FOXP1: variants seen among roughly 807,000 people sequenced by gnomAD.
FOXP1 encodes forkhead box protein P1.
Under a neutral mutation model 98.2 loss-of-function variants are expected in FOXP1, and 15 were observed. The observed-to-expected ratio is 0.15, with a 90% CI of 0.10 to 0.24. The LOEUF (loss-of-function observed/expected upper bound fraction) is 0.24, where lower values mean the gene tolerates loss of function less well. Ranked by LOEUF, FOXP1 falls within the 10% of genes least tolerant of loss-of-function variation. The probability of loss-of-function intolerance (pLI) is 1.00; values close to 1 mark genes in which losing one functional copy is unlikely to be tolerated. For synonymous variants in FOXP1, 371 were observed against 314.5 expected, an observed-to-expected ratio of 1.18 and a Z score of -1.90; for missense variants, 633 against 848.5, an observed-to-expected ratio of 0.75 and a Z score of 3.15.
chr3:71,270,604 C>T (rs142442192), intron 5 of FOXP1, among the ~76,000 whole-genome samples: 1,963 of 152,272 alleles, frequency 0.013, 24 homozygotes, highest in Middle Eastern at 0.02. Context: ...ATGAAAATTT[C>T]GTCTTAACAA....
intron 7 of FOXP1, among the ~76,000 whole-genome samples, chr3:71,108,512 T>C (rs2057632614): frequency 1.3e-5 from 2 of 152,206 alleles, no homozygotes; most frequent in Non-Finnish European, 2.9e-5. Flanking sequence ...ATGCCTGTAA[T>C]CCTAACACTT....
At chr3:71,439,488 A>G (rs2085701274) in intron 3 of FOXP1, among the ~76,000 whole-genome samples, 1 of 152,236 alleles carries the variant, frequency 6.6e-6, no homozygotes, top group Admixed American at 6.5e-5. Context: ...TACTGGGAAT[A>G]TTCCCTAGAG....
chr3:71,168,928 C>T (rs1012997214), intron 6 of FOXP1, among the ~76,000 whole-genome samples: 1 of 152,276 alleles, frequency 6.6e-6, no homozygotes, highest in South Asian at 2.1e-4. Flanking sequence ...GATTTAATTA[C>T]TTCTCCTTTC....
intron 7 of FOXP1, among the ~76,000 whole-genome samples, chr3:71,101,721 T>G (rs1442540702): frequency 7.5e-6 from 1 of 133,972 alleles, no homozygotes; most frequent in African/African-American, 2.8e-5. Flanking sequence ...GCAGGCACAA[T>G]ATTCTGAGTC....
intron 6 of FOXP1, among the ~76,000 whole-genome samples, chr3:71,194,102 A>G (rs1258023352): frequency 6.6e-6 from 1 of 152,172 alleles, no homozygotes; most frequent in African/African-American, 2.4e-5. Context: ...TCTAAATAAT[A>G]CATGTTCAAA....
intron 3 of FOXP1, among the ~76,000 whole-genome samples, chr3:71,450,357 G>A (rs552030126): frequency 1.3e-5 from 2 of 152,256 alleles, no homozygotes; most frequent in East Asian, 1.9e-4. Flanking sequence ...AATGAACTTC[G>A]CCCTCCCCAG....
chr3:71,425,486 G>A (rs2084075616), intron 3 of FOXP1, among the ~76,000 whole-genome samples: 2 of 152,174 alleles, frequency 1.3e-5, no homozygotes, highest in Admixed American at 6.5e-5. Flanking sequence ...CCACTGCAGT[G>A]TGGAGGGTGG....
At chr3:71,547,559 C>T (rs2045460261) in intron 2 of FOXP1, among the ~76,000 whole-genome samples, 1 of 152,174 alleles carries the variant, frequency 6.6e-6, no homozygotes, top group Non-Finnish European at 1.5e-5. Context: ...CCACTCAGAG[C>T]CACACTTAAG....
intron 2 of FOXP1, among the ~76,000 whole-genome samples, chr3:71,569,379 T>C (rs960645670): frequency 2.6e-5 from 4 of 152,202 alleles, no homozygotes; most frequent in Non-Finnish European, 4.4e-5. Flanking sequence ...TACGGCCTTA[T>C]TCCCATCTCA....
chr3:71,177,762 A>G (rs1470830702), intron 6 of FOXP1, among the ~76,000 whole-genome samples: 1 of 151,562 alleles, frequency 6.6e-6, no homozygotes, highest in Non-Finnish European at 1.5e-5. Flanking sequence ...CTTTCCATAA[A>G]TTTTCCATTG....
chr3:70,963,723 A>G (rs954238963), intron 20 of FOXP1, among the ~76,000 whole-genome samples: 23 of 152,228 alleles, frequency 1.5e-4, no homozygotes, highest in South Asian at 6.2e-4. Flanking sequence ...GGGTGTCTGC[A>G]CAGCATGGAG....
rs1421518358 is a variant in FOXP1 at position 71,173,037 on chromosome 3, G to A, written c.180+25165C>T. ...GGTAAGTTACAGCAGCAACACTCAG[G>A]CTGGCTGAAACCTCTATCAACATTC... is the stretch of plus-strand genomic sequence containing the variant. On this transcript the variant is annotated intron_variant, in intron 6 of 20. Transcript: ENST00000649528. 2.6e-5 allele frequency among the ~76,000 whole-genome samples: 4 copies of A among 152,170 alleles called. No homozygotes were observed. In the South Asian group the frequency reaches 8.3e-4, roughly 32 times the overall value.
At chr3:71,405,162 G>C (rs917185130) in intron 3 of FOXP1, among the ~76,000 whole-genome samples, 2 of 152,180 alleles carry the variant, frequency 1.3e-5, no homozygotes, top group Non-Finnish European at 2.9e-5. Flanking sequence ...CTCACAGTGA[G>C]CCTTGGGTTC....
intron 5 of FOXP1, among the ~76,000 whole-genome samples, chr3:71,277,911 G>C (rs1190066363): frequency 6.6e-6 from 1 of 152,070 alleles, no homozygotes; most frequent in Non-Finnish European, 1.5e-5. Context: ...GCCCAGTTTT[G>C]TCTTCATTGG....
intron 4 of FOXP1, among the ~76,000 whole-genome samples, chr3:71,315,347 A>C (rs971753380): frequency 5.3e-5 from 8 of 152,114 alleles, no homozygotes; most frequent in Admixed American, 3.3e-4. Flanking sequence ...CCTGATTCAA[A>C]ATGGGAAGCG....
chr3:71,356,213 CAAAA>C (rs3064928), intron 4 of FOXP1, among the ~76,000 whole-genome samples: 4 of 75,358 alleles, frequency 5.3e-5, no homozygotes, highest in Non-Finnish European at 5.6e-5. Flanking sequence ...CTGACTAAGT[CAAAA>C]AAAAAAAAAA....
intron 2 of FOXP1, among the ~76,000 whole-genome samples, chr3:71,538,718 G>C (rs1038986680): frequency 1.3e-5 from 2 of 152,144 alleles, no homozygotes; most frequent in Admixed American, 6.5e-5. Flanking sequence ...TTTGTTCTTT[G>C]TTGCGTGTGG....
At chr3:71,053,850 C>A in intron 7 of FOXP1, 77 bp from the exon 8 acceptor site, 2 of 1,537,998 alleles carry the variant, frequency 1.3e-6, no homozygotes, top group Admixed American at 3.4e-5. Context: ...CAGCTGACTG[C>A]CATCAGCCTG....
chr3:71,150,724 C>G (rs528973694), intron 6 of FOXP1, among the ~76,000 whole-genome samples: 2 of 152,224 alleles, frequency 1.3e-5, no homozygotes, highest in East Asian at 3.9e-4. Context: ...GCAGAACTGT[C>G]ACATGCTTAT....
Sources: allele counts gnomAD v4.1 joint callset (sites outside exome capture counted in the v4.1 genomes callset), GRCh38; gene constraint gnomAD v4.1.1; transcripts MANE v1.5; gene names NCBI Gene and HGNC (gene_info 2026-07-23, HGNC 2026-07-21).